The following LPCAT1 variants were observed in gnomAD, a reference collection of about 807,000 sequenced individuals.
The protein encoded by LPCAT1 is 1-acylglycerol-3-phosphate O-acyltransferase.
LPCAT1 carries 23 observed loss-of-function variants against 60.9 expected under a neutral mutation model. That is an observed-to-expected ratio of 0.38 (90% confidence interval 0.27 to 0.53). The LOEUF (loss-of-function observed/expected upper bound fraction) is 0.53, where lower values mean the gene tolerates loss of function less well. LPCAT1 is among the 20% of genes least tolerant of loss of function. The pLI is 0.82. For missense variants in LPCAT1, 622 were observed against 723.6 expected, an observed-to-expected ratio of 0.86 and a Z score of 1.61; for synonymous variants, 340 against 301.1, an observed-to-expected ratio of 1.13 and a Z score of -1.34.
chr5:1,464,031 C>G (rs919705597), intron 13 of LPCAT1, among the ~76,000 whole-genome samples, 196 bp from the exon 14 acceptor site: 1 of 152,214 alleles, frequency 6.6e-6, no homozygotes, highest in South Asian at 2.1e-4. Flanking sequence ...CGAAGTCACC[C>G]TGACAACCGG....
intron 5 of LPCAT1, among the ~76,000 whole-genome samples, chr5:1,485,772 C>T (rs905372876): frequency 1.3e-5 from 2 of 151,808 alleles, no homozygotes; most frequent in African/African-American, 2.4e-5. Context: ...GCAGGGAGGC[C>T]GGGGAGAGCC....
At chr5:1,519,406 A>G (rs1335091737) in intron 1 of LPCAT1, among the ~76,000 whole-genome samples, 1 of 152,278 alleles carries the variant, frequency 6.6e-6, no homozygotes, top group Non-Finnish European at 1.5e-5. Context: ...AATGAAAAGT[A>G]AAGTCTTTTC....
intron 10 of LPCAT1, 41 bp from the exon 11 acceptor site, chr5:1,474,151 T>C (rs369221607): frequency 1.9e-5 from 30 of 1,591,796 alleles, no homozygotes; most frequent in Non-Finnish European, 2.5e-5. Context: ...TTCAATAAAA[T>C]GGTGGCATGC....
rs116547270 is a variant in LPCAT1, at chr5:1,481,747, C to T, written c.727-771G>A. 7.9e-5 allele frequency among the ~76,000 whole-genome samples: 12 copies of T among 152,256 alleles called. No homozygotes were observed. The highest frequency in any genetic ancestry group is 2.0e-4 in the Admixed American group (3 of 15,288). ...AGGAGTTGCACTGGGGCATGGTTTC[C>T]GCAGCGGAGGCAGGAAGGGGCCCTT... On this transcript the variant is annotated intron_variant, in intron 6 of 13. Coordinates refer to ENST00000283415, the MANE Select transcript of LPCAT1 (RefSeq NM_024830.5). This position sits in a 1 kb window ranked among gnomAD's most constrained non-coding sequence, Gnocchi z 7.8.
intron 1 of LPCAT1, among the ~76,000 whole-genome samples, chr5:1,519,815 G>A (rs1429113261): frequency 2.6e-5 from 4 of 152,238 alleles, no homozygotes; most frequent in African/African-American, 9.6e-5. Flanking sequence ...CGTCTCCAAG[G>A]CCTCTGAGGC....
Position 1,521,608 on chromosome 5 carries a change from T to C in LPCAT1, c.135+2102A>G. On this transcript the variant is annotated intron_variant, in intron 1 of 13. Coordinates refer to ENST00000283415, the MANE Select transcript of LPCAT1 (RefSeq NM_024830.5). The surrounding 1 kb of genome is among the most constrained non-coding windows in gnomAD (Gnocchi z 4.3). ...ACCCTTGAGCCACACATTGCAGACA[T>C]CCAGCAGAAACGACTGGATGTACAA... The C allele has an allele frequency of 2.8e-6, 1 of 350,990 alleles. No homozygotes were observed. The highest frequency in any genetic ancestry group is 1.1e-4 in the South Asian group (1 of 8,802). 21.7% of individuals were successfully genotyped at this position (350,990 alleles called of 1,614,324 possible).
chr5:1,476,005 G>A lies in LPCAT1; in HGVS notation c.900-1320C>T, dbSNP rs1024437470. ...CTGATGTGATGAAACATGGTTCCCG[G>A]TAATTTGGAGTGGGGTTTTAAGAGA... On this transcript the variant is annotated intron_variant, in intron 9 of 13. Transcript: ENST00000283415. The surrounding 1 kb of genome is among the most constrained non-coding windows in gnomAD (Gnocchi z 8.6). Among the ~76,000 whole-genome samples the A allele has an allele frequency of 6.6e-6, 1 of 152,210 alleles. No homozygotes were observed. Among genetic ancestry groups the A allele is most frequent in the African/African-American group, 2.4e-5 (1 of 41,454 alleles).
chr5:1,463,352 TG>T lies in LPCAT1; in HGVS notation c.*298del, dbSNP rs1436597692. The T allele has an allele frequency of 2.8e-6, 1 of 359,050 alleles. No individual in the cohort carries two copies. The highest frequency in any genetic ancestry group is 5.1e-6 in the Non-Finnish European group (1 of 197,296). 22.2% of individuals were successfully genotyped at this position (359,050 alleles called of 1,614,324 possible). ...ACAGAGACTCGAAACCAGGGCCCCGTGGGAGAACACGGGGCGGCACCGGTGC... is the reference window on the plus strand; with the variant it reads ...ACAGAGACTCGAAACCAGGGCCCCGTGGAGAACACGGGGCGGCACCGGTGC... On this transcript the variant is annotated 3_prime_UTR_variant, in exon 14 of 14. Coordinates refer to ENST00000283415, the MANE Select transcript of LPCAT1 (RefSeq NM_024830.5).
At chr5:1,485,800 C>T (rs1377764888) in intron 5 of LPCAT1, among the ~76,000 whole-genome samples, 1 of 151,732 alleles carries the variant, frequency 6.6e-6, no homozygotes, top group African/African-American at 2.4e-5. Context: ...TGTCTGCTCA[C>T]AGCCCGTGCA....
At position 1,522,347 on chromosome 5, in the gene LPCAT1, C is replaced by G. The variant is rs997678761; in HGVS notation, c.135+1363G>C. Among the ~76,000 whole-genome samples, 6 of 152,162 alleles carry G rather than the reference C, an allele frequency of 3.9e-5. No homozygotes were observed. Among genetic ancestry groups the G allele is most frequent in the African/African-American group, 9.7e-5 (4 of 41,426 alleles). On this transcript the variant is annotated intron_variant, in intron 1 of 13. Transcript: ENST00000283415. This position sits in a 1 kb window ranked among gnomAD's most constrained non-coding sequence, Gnocchi z 6.8. The stretch of plus-strand genomic sequence containing the variant: ...GTCCCAAGTCCTCCTTTGAGGGGCA[C>G]AGCACACGGCAGCTGACAGCGTGTG...
At position 1,466,887 on chromosome 5, in the gene LPCAT1, A is replaced by G; in HGVS notation, c.1282T>C (p.Tyr428His). The G allele has an allele frequency of 6.3e-7, 1 of 1,586,598 alleles. No homozygotes were observed. Among genetic ancestry groups the G allele is most frequent in the Non-Finnish European group, 8.6e-7 (1 of 1,163,516 alleles). Residue 428 changes from tyrosine (Y) to histidine (H), a missense_variant, in exon 13 of 14, where the codon TAC becomes CAC. Transcript: ENST00000283415. The stretch of plus-strand genomic sequence containing the variant: ...ACGCTGCCGTCCTCTTGCGCTCCGT[A>G]CATCTGCAAGGCAAACTGGGTGTCA... ...LDTIQLAFKM[Y>H]GAQEDGSVGE...
Position 1,522,968 on chromosome 5 carries a change from G to A in LPCAT1, c.135+742C>T, listed in dbSNP as rs922272017. ...CTCCCCTCACCACTGTCCCATCGCA[G>A]GATCTCAGCAAACCGTTCCCTCCCA... is the stretch of plus-strand genomic sequence containing the variant. On this transcript the variant is annotated intron_variant, in intron 1 of 13. Coordinates refer to ENST00000283415, the MANE Select transcript of LPCAT1 (RefSeq NM_024830.5). The surrounding 1 kb of genome is among the most constrained non-coding windows in gnomAD (Gnocchi z 6.8). Among the ~76,000 whole-genome samples the A allele has an allele frequency of 2.6e-5, 4 of 152,162 alleles. No homozygotes were observed. The highest frequency in any genetic ancestry group is 9.7e-5 in the African/African-American group (4 of 41,432).
At position 1,496,919 on chromosome 5, in the gene LPCAT1, T is replaced by C. The variant is rs574874742; in HGVS notation, c.279-2005A>G. Among the ~76,000 whole-genome samples, 37 of 152,128 alleles carry C rather than the reference T, an allele frequency of 2.4e-4. No individual in the cohort carries two copies. The highest frequency in any genetic ancestry group is 5.2e-4 in the Admixed American group (8 of 15,286). ...CAGCCCATTCCCAGGGGAATGTGAA[T>C]CAGGAGACAGATCTATCTGCATACA... On this transcript the variant is annotated intron_variant, in intron 2 of 13. Coordinates refer to ENST00000283415, the MANE Select transcript of LPCAT1 (RefSeq NM_024830.5). This position sits in a 1 kb window ranked among gnomAD's most constrained non-coding sequence, Gnocchi z 4.7.
intron 1 of LPCAT1, among the ~76,000 whole-genome samples, 175 bp from the exon 2 acceptor site, chr5:1,501,778 G>T (rs959631964): frequency 2.0e-5 from 3 of 151,828 alleles, no homozygotes; most frequent in Non-Finnish European, 4.4e-5. Flanking sequence ...GGCTGACCAA[G>T]GCTGACCGAG....
intron 3 of LPCAT1, among the ~76,000 whole-genome samples, chr5:1,493,253 T>C (rs1031165844): frequency 1.3e-5 from 2 of 152,178 alleles, no homozygotes; most frequent in Admixed American, 1.3e-4. Flanking sequence ...CACCCACAAC[T>C]GCCCAGCTGC....
intron 13 of LPCAT1, among the ~76,000 whole-genome samples, chr5:1,466,098 G>A (rs1406483864): frequency 6.6e-6 from 1 of 152,292 alleles, no homozygotes. Flanking sequence ...GCCAGGGCCT[G>A]CAGCCCTGGG....
At chr5:1,468,326 C>T (rs982423578) in intron 12 of LPCAT1, among the ~76,000 whole-genome samples, 1 of 152,206 alleles carries the variant, frequency 6.6e-6, no homozygotes, top group South Asian at 2.1e-4. Flanking sequence ...CATCTGCAGA[C>T]GAAATCCACG....
rs747617921 is a variant in LPCAT1 at position 1,480,928 on chromosome 5, G to A, written c.761+14C>T. On this transcript the variant is annotated intron_variant, in intron 7 of 13. Coordinates refer to ENST00000283415, the MANE Select transcript of LPCAT1 (RefSeq NM_024830.5). The surrounding 1 kb of genome is among the most constrained non-coding windows in gnomAD (Gnocchi z 6.4). ...AACAACAGGACAAAGAGGACGACACGGCGTTCAACTTACGCTCCAGGTCCT... is the reference window on the plus strand; with the variant it reads ...AACAACAGGACAAAGAGGACGACACAGCGTTCAACTTACGCTCCAGGTCCT... 22 of 1,613,652 alleles carry A rather than the reference G, an allele frequency of 1.4e-5. 1 individual carries two copies. The Admixed American group carries it at 2.0e-4, about 15-fold the overall frequency.
intron 2 of LPCAT1, among the ~76,000 whole-genome samples, chr5:1,500,374 G>T (rs7723686): frequency 0.18 from 28,068 of 152,288 alleles, 2,738 homozygotes; most frequent in South Asian, 0.23. Flanking sequence ...AATGAAACAA[G>T]AAAATATTGT....
Sources: allele counts gnomAD v4.1 joint callset (sites outside exome capture counted in the v4.1 genomes callset), GRCh38; gene constraint gnomAD v4.1.1; non-coding constraint Gnocchi (gnomAD v3.1); transcripts MANE v1.5; gene names NCBI Gene and HGNC (gene_info 2026-07-23, HGNC 2026-07-21).